TRAPPC8: variants seen among roughly 807,000 people sequenced by gnomAD.
The protein encoded by TRAPPC8 is general sporulation gene 1 homolog.
Under a neutral mutation model 174.3 loss-of-function variants are expected in TRAPPC8, and 54 were observed. That is an observed-to-expected ratio of 0.31 (90% CI 0.25 to 0.39). The LOEUF (loss-of-function observed/expected upper bound fraction) is 0.39. TRAPPC8 is among the 10% of genes least tolerant of loss of function. TRAPPC8 has a pLI of 1.00. For missense variants in TRAPPC8, 1,531 were observed against 1,699.1 expected, an observed-to-expected ratio of 0.90 and a Z score of 1.74; for synonymous variants, 630 against 579.9, an observed-to-expected ratio of 1.09 and a Z score of -1.24.
chr18:31,879,148 T>C (rs2035300358), intron 12 of TRAPPC8, among the ~76,000 whole-genome samples: 1 of 152,142 alleles, frequency 6.6e-6, no homozygotes, highest in African/African-American at 2.4e-5. Flanking sequence ...CTACAGAAGA[T>C]TCCAACTGAC....
chr18:31,893,478 TA>T (rs1460330826), intron 11 of TRAPPC8, among the ~76,000 whole-genome samples: 1 of 152,134 alleles, frequency 6.6e-6, no homozygotes, highest in African/African-American at 2.4e-5. Flanking sequence ...CATAATATAT[TA>T]AAACACAATG....
At chr18:31,836,963 C>T (rs545417865) in intron 27 of TRAPPC8, among the ~76,000 whole-genome samples, 88 of 151,996 alleles carry the variant, frequency 5.8e-4, no homozygotes, top group South Asian at 1.5e-3. Flanking sequence ...GGGGTTTCAC[C>T]GTGTTAGCCA....
At chr18:31,839,499 C>T (rs7226615) in intron 26 of TRAPPC8, 42 bp from the exon 27 acceptor site, 3 of 1,505,740 alleles carry the variant, frequency 2.0e-6, no homozygotes, top group Non-Finnish European at 2.7e-6. Flanking sequence ...AAAAACACTA[C>T]CTTGTTTAAA....
intron 9 of TRAPPC8, 139 bp downstream of exon 9, chr18:31,907,321 A>C: frequency 2.6e-6 from 2 of 763,360 alleles, no homozygotes; most frequent in Non-Finnish European, 3.8e-6. Context: ...ACTCAGCATT[A>C]AGGAATTAAC....
chr18:31,851,509 G>C (rs556526902), intron 24 of TRAPPC8, among the ~76,000 whole-genome samples: 151 of 149,238 alleles, frequency 1.0e-3, no homozygotes, highest in African/African-American at 3.5e-3. Flanking sequence ...TGTTCTAGGA[G>C]GCTCTTTTTT....
At position 31,916,831 on chromosome 18, in the gene TRAPPC8, G is replaced by A. The variant is rs144180232; in HGVS notation, c.443-385C>T. Among the ~76,000 whole-genome samples, 414 of 140,046 alleles carry A rather than the reference G, an allele frequency of 3.0e-3. 2 individuals are homozygous for A. Among genetic ancestry groups the A allele is most frequent in the African/African-American group, 0.01 (378 of 37,210 alleles). 91.9% of individuals were successfully genotyped at this position (140,046 alleles called of 152,430 possible). Reference sequence around the variant, plus strand: ...TTATAGGCATGAGCCACCGTGCCCAGCGGTATTTTCACAGCAAAAAAAAAA... The same window carrying A: ...TTATAGGCATGAGCCACCGTGCCCAACGGTATTTTCACAGCAAAAAAAAAA... On this transcript the variant is annotated intron_variant, in intron 3 of 28. Transcript: ENST00000283351.
chr18:31,870,629 A>C, intron 15 of TRAPPC8, 127 bp from the exon 16 acceptor site: 1 of 1,039,314 alleles, frequency 9.6e-7, no homozygotes, highest in South Asian at 1.7e-5. Context: ...TTATTACCTT[A>C]TAAATGTCCA....
rs774183385 is a variant in TRAPPC8 at position 31,853,874 on chromosome 18, T to C, written c.3408A>G (p.Lys1136=). ...SSSSKHWKLQ[K]SVNLSENKDT... ...CTTTGTTTTCAGAAAGATTTACAGA[T>C]TTCTGTAACTTCCAGTGTTTGCTAC... The change falls in exon 22 of 29, where the codon AAA becomes AAG. Residue 1136 remains lysine (K), a synonymous_variant. Transcript: ENST00000283351. The C allele has an allele frequency of 6.2e-7, 1 of 1,610,320 alleles. No individual in the cohort carries two copies. The highest frequency in any genetic ancestry group is 8.5e-7 in the Non-Finnish European group (1 of 1,179,182).
chr18:31,920,637 T>TA (rs931675203), intron 2 of TRAPPC8, among the ~76,000 whole-genome samples: 43 of 149,380 alleles, frequency 2.9e-4, no homozygotes, highest in African/African-American at 6.4e-4. Flanking sequence ...CCATCTCTAC[T>TA]AAAAAAAAAT....
intron 2 of TRAPPC8, among the ~76,000 whole-genome samples, chr18:31,918,790 G>A (rs917719512): frequency 1.3e-5 from 2 of 152,030 alleles, no homozygotes; most frequent in African/African-American, 2.4e-5. Flanking sequence ...ACTCTCTCTT[G>A]TTCCACATCA....
At position 31,858,002 on chromosome 18, in the gene TRAPPC8, TA is replaced by T; in HGVS notation, c.2746-21del. 1 of 1,547,932 alleles carries T rather than the reference TA, an allele frequency of 6.5e-7. No individual in the cohort carries two copies. The highest frequency in any genetic ancestry group is 1.3e-5 in the South Asian group (1 of 79,990). Reference sequence around the variant, plus strand: ...GAACACCTGCATTGGAGGGAAAAAATATTATTATTTGTCTGTTAAAAATTTT... The same window carrying T: ...GAACACCTGCATTGGAGGGAAAAAATTTATTATTTGTCTGTTAAAAATTTT... On this transcript the variant is annotated intron_variant, in intron 19 of 28. Transcript: ENST00000283351.
chr18:31,913,039 A>G (rs2036985369), intron 5 of TRAPPC8, among the ~76,000 whole-genome samples: 1 of 151,880 alleles, frequency 6.6e-6, no homozygotes, highest in Admixed American at 6.6e-5. Flanking sequence ...GAGGCAGGGG[A>G]ATCACTTAAA....
intron 5 of TRAPPC8, among the ~76,000 whole-genome samples, chr18:31,912,617 T>C (rs1239324036): frequency 2.0e-5 from 3 of 151,800 alleles, no homozygotes; most frequent in Non-Finnish European, 4.4e-5. Context: ...GCTGAGATTG[T>C]GCCACTGCAC....
At chr18:31,874,227 T>G in intron 13 of TRAPPC8, 1 of 422,232 alleles carries the variant, frequency 2.4e-6, no homozygotes. Flanking sequence ...TGTGGAATCT[T>G]TTTTTTTTTT....
chr18:31,879,657 C>A (rs2145263480), intron 12 of TRAPPC8, among the ~76,000 whole-genome samples: 1 of 151,906 alleles, frequency 6.6e-6, no homozygotes, highest in African/African-American at 2.4e-5. Context: ...CCAAAGAAAT[C>A]ATACAAAGAA....
intron 2 of TRAPPC8, 97 bp from the exon 3 acceptor site, chr18:31,917,764 A>C: frequency 9.5e-7 from 1 of 1,055,256 alleles, no homozygotes. Context: ...GGTATAAAAA[A>C]AAAATTTCTA....
chr18:31,942,550 T>C (rs2038393108), intron 1 of TRAPPC8, 58 bp downstream of exon 1: 1 of 1,471,886 alleles, frequency 6.8e-7, no homozygotes, highest in Non-Finnish European at 9.1e-7. Context: ...GCCCGCAACT[T>C]CCTTCTCCCG....
At chr18:31,862,527 A>G (rs2034381722) in intron 19 of TRAPPC8, among the ~76,000 whole-genome samples, 1 of 152,120 alleles carries the variant, frequency 6.6e-6, no homozygotes, top group Admixed American at 6.6e-5. Flanking sequence ...TAAAAAACAA[A>G]GTTTGAGCCT....
intron 12 of TRAPPC8, among the ~76,000 whole-genome samples, chr18:31,885,919 T>C (rs2035687963): frequency 6.6e-6 from 1 of 151,898 alleles, no homozygotes; most frequent in African/African-American, 2.4e-5. Context: ...CGGCAAGAGA[T>C]AAACCACTTA....
Sources: allele counts gnomAD v4.1 joint callset (sites outside exome capture counted in the v4.1 genomes callset), GRCh38; gene constraint gnomAD v4.1.1; transcripts MANE v1.5; gene names NCBI Gene and HGNC (gene_info 2026-07-23, HGNC 2026-07-21).